Variants in SMG7 observed in about 807,000 individuals in gnomAD.
SMG7 encodes the protein SMG7 nonsense mediated mRNA decay factor, also known as nonsense-mediated mRNA decay factor SMG7.
SMG7 carries 34 observed loss-of-function variants against 148.2 expected under a neutral mutation model. The observed-to-expected ratio is 0.23, with a 90% CI of 0.17 to 0.31. The LOEUF (loss-of-function observed/expected upper bound fraction) is 0.31, where lower values mean the gene tolerates loss of function less well. Ranked by LOEUF, SMG7 falls within the 10% of genes least tolerant of loss-of-function variation. The pLI is 1.00. For synonymous variants in SMG7, 492 were observed against 515.1 expected (o/e 0.96, Z 0.61); for missense variants, 1,114 against 1,408.4 (o/e 0.79, Z 3.35).
intron 1 of SMG7, among the ~76,000 whole-genome samples, chr1:183,497,142 C>G (rs1291770666): frequency 6.6e-6 from 1 of 152,176 alleles, no homozygotes; most frequent in African/African-American, 2.4e-5. Flanking sequence ...CATGTCATAC[C>G]TTTGCTTAAA....
chr1:183,502,214 T>G, intron 1 of SMG7: 1 of 1,332,940 alleles, frequency 7.5e-7, no homozygotes, highest in Non-Finnish European at 9.8e-7. Context: ...TCTCTGTTAT[T>G]GTGGGTTAAC....
intron 6 of SMG7, 58 bp downstream of exon 6, chr1:183,528,085 G>T: frequency 7.5e-6 from 10 of 1,328,784 alleles, no homozygotes; most frequent in Non-Finnish European, 8.5e-6. Flanking sequence ...ATAACAATGT[G>T]GCAGATAACT....
chr1:183,530,535 G>A (rs900299590), intron 8 of SMG7, among the ~76,000 whole-genome samples: 7 of 152,180 alleles, frequency 4.6e-5, no homozygotes, highest in African/African-American at 7.2e-5. Context: ...ACTTTGTCAT[G>A]TCCTAGGCTG....
intron 3 of SMG7, among the ~76,000 whole-genome samples, chr1:183,516,247 AAAC>A (rs1311590785): frequency 6.6e-6 from 1 of 152,196 alleles, no homozygotes; most frequent in Non-Finnish European, 1.5e-5. Flanking sequence ...CTGTCAAAAA[AAAC>A]AAATATATCT....
intron 1 of SMG7, among the ~76,000 whole-genome samples, chr1:183,482,807 C>T (rs773757995): frequency 1.1e-4 from 16 of 152,178 alleles, no homozygotes; most frequent in Middle Eastern, 6.8e-3. Flanking sequence ...AGTCATCTCC[C>T]ATGGATAATG....
chr1:183,512,938 C>T, intron 2 of SMG7, 70 bp downstream of exon 2: 2 of 1,381,798 alleles, frequency 1.4e-6, no homozygotes, highest in Non-Finnish European at 2.0e-6. Flanking sequence ...TATCCTCTTT[C>T]TTATATTATG....
intron 2 of SMG7, 47 bp from the exon 3 acceptor site, chr1:183,515,827 G>C: frequency 8.1e-7 from 1 of 1,228,598 alleles, no homozygotes; most frequent in Admixed American, 1.7e-5. Context: ...GGTTTTAACT[G>C]CTGGGGTTTA....
chr1:183,535,570 A>G (rs763409679), intron 10 of SMG7, among the ~76,000 whole-genome samples: 60 of 152,202 alleles, frequency 3.9e-4, no homozygotes, highest in Non-Finnish European at 7.5e-4. Context: ...AGTAATGGAA[A>G]AACAATGACT....
At chr1:183,544,564 G>C in intron 15 of SMG7, 67 bp downstream of exon 15, 2 of 1,526,710 alleles carry the variant, frequency 1.3e-6, no homozygotes, top group Non-Finnish European at 1.8e-6. Flanking sequence ...CAGTCACTGA[G>C]AAATGTGTTT....
At position 183,549,291 on chromosome 1, in the gene SMG7, A is replaced by C. The variant is rs1251690736; in HGVS notation, c.2973+3A>C. On this transcript the variant is annotated splice_donor_region_variant and intron_variant, in intron 19 of 22. Coordinates refer to ENST00000688051, the MANE Select transcript of SMG7 (RefSeq NM_001375584.1). ...TCACCGGATTCTCTCTCAATCAGGT[A>C]GGTGAACAATGAAGAATCCTGCTGT... The C allele has an allele frequency of 1.2e-5, 20 of 1,603,594 alleles. No homozygotes were observed. The highest frequency in any genetic ancestry group is 2.7e-5 in the African/African-American group (2 of 74,682).
intron 17 of SMG7, 97 bp downstream of exon 17, chr1:183,546,434 T>G: frequency 7.0e-6 from 9 of 1,282,700 alleles, no homozygotes; most frequent in Non-Finnish European, 9.7e-6. Context: ...AGGCCACTCT[T>G]ATTCGTTAGT....
At chr1:183,544,672 G>A (rs1669581619) in intron 15 of SMG7, among the ~76,000 whole-genome samples, 175 bp downstream of exon 15, 1 of 152,120 alleles carries the variant, frequency 6.6e-6, no homozygotes. Flanking sequence ...ACATACAAGT[G>A]CATGTTTGTT....
chr1:183,551,726 A>G (rs112126287), intron 22 of SMG7, 92 bp from the exon 23 acceptor site: 32 of 970,494 alleles, frequency 3.3e-5, no homozygotes, highest in Middle Eastern at 4.5e-4. Context: ...TTGGGGCCAT[A>G]TATATGCCTT....
intron 1 of SMG7, among the ~76,000 whole-genome samples, chr1:183,482,887 C>A (rs762657632): frequency 1.3e-5 from 2 of 152,076 alleles, no homozygotes; most frequent in African/African-American, 4.8e-5. Context: ...GAATCCTCAC[C>A]TTGAGATAAG....
In SMG7 at chr1:183,484,342, A is replaced by AT. The variant is rs569630223; in HGVS notation, c.29+11700dup. Among the ~76,000 whole-genome samples, 22 of 145,324 alleles carry AT rather than the reference A, an allele frequency of 1.5e-4. No homozygotes were observed. In the East Asian group the frequency reaches 4.2e-3, roughly 28 times the overall value. On this transcript the variant is annotated intron_variant, in intron 1 of 22. Coordinates refer to ENST00000688051, the MANE Select transcript of SMG7 (RefSeq NM_001375584.1). Reference sequence around the variant, plus strand: ...TTAATTTGTATTTTAAAAAATTGTTATTTTTTTCTGAAAAAAAATTTTTTT... The same window carrying AT: ...TTAATTTGTATTTTAAAAAATTGTTATTTTTTTTCTGAAAAAAAATTTTTTT...
intron 2 of SMG7, 187 bp downstream of exon 2, chr1:183,513,055 G>C: frequency 1.9e-6 from 1 of 536,378 alleles, no homozygotes; most frequent in East Asian, 3.2e-5. Context: ...TAACTGTTGG[G>C]AATTGCATGT....
chr1:183,482,156 C>G (rs1239646002), intron 1 of SMG7, among the ~76,000 whole-genome samples: 1 of 151,860 alleles, frequency 6.6e-6, no homozygotes, highest in Non-Finnish European at 1.5e-5. Context: ...TTGAGACTAC[C>G]AGTCACATTA....
chr1:183,549,353 A>G (rs1038866494), intron 19 of SMG7, 65 bp downstream of exon 19: 11 of 1,143,490 alleles, frequency 9.6e-6, no homozygotes, highest in Non-Finnish European at 1.3e-5. Context: ...TCTTTCTCAT[A>G]CTGTTTCAGT....
intron 9 of SMG7, 80 bp downstream of exon 9, chr1:183,533,406 A>AGT (rs1667202392): frequency 1.4e-6 from 2 of 1,410,312 alleles, no homozygotes; most frequent in Admixed American, 2.0e-5. Flanking sequence ...AGCAAAGCAC[A>AGT]GTGACATAAA....
Sources: gnomAD v4.1 joint callset for allele counts (sites outside exome capture counted in the v4.1 genomes callset) on GRCh38, gnomAD v4.1.1 for gene constraint, MANE v1.5 for transcripts, NCBI Gene and HGNC (gene_info 2026-07-23, HGNC 2026-07-21) for gene names.